SLC6A11: variants seen among roughly 807,000 people sequenced by gnomAD.
The protein encoded by SLC6A11 is solute carrier family 6 member 11.
A neutral mutation model predicts 74.8 loss-of-function variants in SLC6A11; 25 were observed. The observed-to-expected ratio is 0.33, with a 90% CI of 0.24 to 0.47. SLC6A11 has a LOEUF of 0.47. Ranked by LOEUF, SLC6A11 falls within the 20% of genes least tolerant of loss-of-function variation. The pLI is 1.00. For synonymous variants in SLC6A11, 330 were observed against 330.2 expected, an observed-to-expected ratio of 1.00 and a Z score of 0.01; for missense variants, 574 against 837.0, an observed-to-expected ratio of 0.69 and a Z score of 3.88.
chr3:10,842,637 T>C (rs1214904039), intron 4 of SLC6A11, among the ~76,000 whole-genome samples: 1 of 152,224 alleles, frequency 6.6e-6, no homozygotes, highest in Admixed American at 6.5e-5. Context: ...TTGGTCCACC[T>C]TATCCTAGTA....
chr3:10,832,478 CCTT>C (rs1489168766), intron 4 of SLC6A11, among the ~76,000 whole-genome samples: 5 of 152,168 alleles, frequency 3.3e-5, no homozygotes, highest in African/African-American at 4.8e-5. Flanking sequence ...GGTGTTGTGA[CCTT>C]CTTCTTCTAA....
intron 4 of SLC6A11, among the ~76,000 whole-genome samples, chr3:10,842,958 C>A (rs979577952): frequency 6.6e-6 from 1 of 152,130 alleles, no homozygotes; most frequent in African/African-American, 2.4e-5. Context: ...GAGACAGACA[C>A]TGAGGGTGGC....
chr3:10,938,312 C>T lies in SLC6A11; in HGVS notation c.1809C>T (p.Ser603=). 8 of 1,613,062 alleles carry T rather than the reference C, an allele frequency of 5.0e-6. No homozygotes were observed. Among genetic ancestry groups the T allele is most frequent in the Non-Finnish European group, 6.8e-6 (8 of 1,179,236 alleles). Reference sequence around the variant, plus strand: ...AAATGCGGGGCAAGCTTGGGGTGAGCCCACGGATGGTGACAGTTAATGACT... The same window carrying T: ...AAATGCGGGGCAAGCTTGGGGTGAGTCCACGGATGGTGACAGTTAATGACT... ...DLKMRGKLGV[S]PRMVTVNDCD... is the part of the protein sequence containing the mutation. Residue 603 remains serine (S), a synonymous_variant, in exon 14 of 14, where the codon AGC becomes AGT. Coordinates refer to ENST00000254488, the MANE Select transcript of SLC6A11 (RefSeq NM_014229.3).
rs764426511 is a variant in SLC6A11, at chr3:10,918,630, C to G, written c.1120+177C>G. On this transcript the variant is annotated intron_variant, in intron 8 of 13. Transcript: ENST00000254488. The surrounding 1 kb of genome is among the most constrained non-coding windows in gnomAD (Gnocchi z 4.5). ...TGGGAATTACCTAGGAGGAAAGTCTCGACACCTCCTCCCTCCCAAATCCAA... is the reference window on the plus strand; with the variant it reads ...TGGGAATTACCTAGGAGGAAAGTCTGGACACCTCCTCCCTCCCAAATCCAA... 6.6e-6 allele frequency among the ~76,000 whole-genome samples: 1 copy of G among 152,068 alleles called. No homozygotes were observed. Among genetic ancestry groups the G allele is most frequent in the Non-Finnish European group, 1.5e-5 (1 of 67,992 alleles).
chr3:10,904,076 T>C (rs139003900), intron 6 of SLC6A11, among the ~76,000 whole-genome samples: 64 of 152,380 alleles, frequency 4.2e-4, no homozygotes, highest in African/African-American at 1.5e-3. Context: ...ACACAGGTCA[T>C]AGGACATACA....
At chr3:10,818,822 A>T (rs1396837230) in intron 1 of SLC6A11, among the ~76,000 whole-genome samples, 2 of 152,212 alleles carry the variant, frequency 1.3e-5, no homozygotes, top group Non-Finnish European at 2.9e-5. Flanking sequence ...TCAAGACAGG[A>T]ACACTAATGC....
At chr3:10,889,424 C>T (rs901761561) in intron 6 of SLC6A11, among the ~76,000 whole-genome samples, 1 of 152,142 alleles carries the variant, frequency 6.6e-6, no homozygotes, top group African/African-American at 2.4e-5. Context: ...GAGTAGTTTT[C>T]CTGCCCTAGA....
chr3:10,891,271 T>A (rs866551451), intron 6 of SLC6A11, among the ~76,000 whole-genome samples: 4 of 152,256 alleles, frequency 2.6e-5, no homozygotes, highest in Admixed American at 1.3e-4. Context: ...TTTAAAAGGC[T>A]GTGATTTAAA....
In SLC6A11 at chr3:10,842,341, ACAAAGTGCAG is replaced by A. The variant is rs534018853; in HGVS notation, c.624-1871_624-1862del. Among the ~76,000 whole-genome samples the A allele has an allele frequency of 6.6e-5, 10 of 152,318 alleles. No homozygotes were observed. In the East Asian group the frequency reaches 1.9e-3, roughly 29 times the overall value. On this transcript the variant is annotated intron_variant, in intron 4 of 13. Coordinates refer to ENST00000254488, the MANE Select transcript of SLC6A11 (RefSeq NM_014229.3). ...TGTATGAGAACTCCTTGGGGAAATC[ACAAAGTGCAG>A]CTCCTTGGGAGCCACTTTGCAAAGG...
rs140817692 is a variant in SLC6A11 at position 10,862,217 on chromosome 3, T to C, written c.757-12744T>C. Among the ~76,000 whole-genome samples the C allele has an allele frequency of 3.1e-3, 466 of 152,306 alleles. 1 individual carries two copies. In the Middle Eastern group the frequency reaches 0.031, roughly 10 times the overall value. On this transcript the variant is annotated intron_variant, in intron 5 of 13. Transcript: ENST00000254488. ...CTAAGAGAGATGGATGGGGTTTAAATCATTATTAGCCAAGGTTCCGAGTAT... is the reference window on the plus strand; with the variant it reads ...CTAAGAGAGATGGATGGGGTTTAAACCATTATTAGCCAAGGTTCCGAGTAT...
intron 4 of SLC6A11, chr3:10,824,638 G>A (rs928394660): frequency 7.2e-5 from 11 of 152,072 alleles, no homozygotes; most frequent in Admixed American, 2.6e-4. Context: ...GTTCTTAGAT[G>A]TATCCATATT....
In SLC6A11 at chr3:10,817,000, G is replaced by T. The variant is rs995091129; in HGVS notation, c.256+479G>T. On this transcript the variant is annotated intron_variant, in intron 1 of 13. Transcript: ENST00000254488. This position sits in a 1 kb window ranked among gnomAD's most constrained non-coding sequence, Gnocchi z 4.2. ...CCTCTCAGTCACTTTCGTAGGCAGG[G>T]GTCTACCCATTTTGCAGGTGAGGAC... Among the ~76,000 whole-genome samples the T allele has an allele frequency of 3.9e-5, 6 of 152,132 alleles. No individual in the cohort carries two copies. The highest frequency in any genetic ancestry group is 5.9e-5 in the Non-Finnish European group (4 of 68,030).
At chr3:10,879,435 C>A (rs1190818356) in intron 6 of SLC6A11, among the ~76,000 whole-genome samples, 2 of 152,088 alleles carry the variant, frequency 1.3e-5, no homozygotes, top group African/African-American at 2.4e-5. Flanking sequence ...TTGTGAATAC[C>A]CAGCCCATGA....
At chr3:10,896,804 C>A (rs544320422) in intron 6 of SLC6A11, among the ~76,000 whole-genome samples, 2 of 152,284 alleles carry the variant, frequency 1.3e-5, no homozygotes, top group South Asian at 4.1e-4. Context: ...GGGGCATAGA[C>A]CCACTAACAT....
At chr3:10,857,918 G>A (rs1321202110) in intron 5 of SLC6A11, among the ~76,000 whole-genome samples, 1 of 152,204 alleles carries the variant, frequency 6.6e-6, no homozygotes, top group African/African-American at 2.4e-5. Flanking sequence ...AAATGCTCGA[G>A]CACACAAGAA....
chr3:10,931,985 C>G (rs1695693899), intron 10 of SLC6A11, among the ~76,000 whole-genome samples: 1 of 152,200 alleles, frequency 6.6e-6, no homozygotes, highest in South Asian at 2.1e-4. Flanking sequence ...TCATTCCAGC[C>G]CCCTAATGCA....
In SLC6A11 at chr3:10,918,548, TCTC is replaced by T; in HGVS notation, c.1120+98_1120+100del. On this transcript the variant is annotated intron_variant, in intron 8 of 13. Coordinates refer to ENST00000254488, the MANE Select transcript of SLC6A11 (RefSeq NM_014229.3). The surrounding 1 kb of genome is among the most constrained non-coding windows in gnomAD (Gnocchi z 4.5). The stretch of plus-strand genomic sequence containing the variant: ...GCGATCTTCCTCCTCGGCTCACACA[TCTC>T]CTGGATTCAGGCCTCAGAAAGGGGC... The T allele has an allele frequency of 7.1e-7, 1 of 1,404,070 alleles. No individual in the cohort carries two copies. The allele number at this position is 1,404,070 out of a possible 1,614,324, so 87.0% of individuals were successfully genotyped here.
intron 7 of SLC6A11, among the ~76,000 whole-genome samples, chr3:10,916,512 G>A (rs536290119): frequency 7.9e-5 from 12 of 152,322 alleles, no homozygotes; most frequent in East Asian, 1.9e-4. Context: ...TCAGCTCCAC[G>A]TGTGTACATT....
intron 10 of SLC6A11, among the ~76,000 whole-genome samples, chr3:10,931,829 T>C (rs2124821421): frequency 1.3e-5 from 2 of 152,320 alleles, no homozygotes; most frequent in South Asian, 4.1e-4. Context: ...GAGATGTTTC[T>C]CCCTGTCTAG....
Sources: gnomAD v4.1 joint callset for allele counts (sites outside exome capture counted in the v4.1 genomes callset) on GRCh38, gnomAD v4.1.1 for gene constraint, Gnocchi (gnomAD v3.1) non-coding constraint, MANE v1.5 for transcripts, NCBI Gene and HGNC (gene_info 2026-07-23, HGNC 2026-07-21) for gene names.